GRHL2: variants seen among roughly 807,000 people sequenced by gnomAD.
GRHL2 encodes the protein grainyhead like transcription factor 2.
Under a neutral mutation model 83.8 loss-of-function variants are expected in GRHL2, and 21 were observed. The observed-to-expected ratio is 0.25, with a 90% CI of 0.18 to 0.36. GRHL2 has a LOEUF of 0.36. Ranked by LOEUF, GRHL2 falls within the 10% of genes least tolerant of loss-of-function variation. GRHL2 has a pLI of 1.00. For missense variants in GRHL2, 623 were observed against 781.8 expected (o/e 0.80, Z 2.42); for synonymous variants, 280 against 278.9 (o/e 1.00, Z -0.04).
At chr8:101,565,029 C>T (rs887551586) in intron 4 of GRHL2, among the ~76,000 whole-genome samples, 1 of 152,264 alleles carries the variant, frequency 6.6e-6, no homozygotes, top group East Asian at 1.9e-4. Context: ...GGAAATAATG[C>T]TAGATGCCAT....
At chr8:101,604,053 A>G (rs1812575649) in intron 8 of GRHL2, among the ~76,000 whole-genome samples, 1 of 148,050 alleles carries the variant, frequency 6.8e-6, no homozygotes, top group Non-Finnish European at 1.5e-5. Flanking sequence ...AACAATGGGA[A>G]GTGTGTTTGT....
At chr8:101,638,630 G>T (rs1813337805) in intron 12 of GRHL2, among the ~76,000 whole-genome samples, 1 of 152,260 alleles carries the variant, frequency 6.6e-6, no homozygotes, top group Non-Finnish European at 1.5e-5. Context: ...AATCTCAAAG[G>T]AGTCAAATGA....
chr8:101,586,170 C>T (rs1812165615), intron 7 of GRHL2, among the ~76,000 whole-genome samples: 3 of 149,736 alleles, frequency 2.0e-5, no homozygotes, highest in Admixed American at 1.3e-4. Flanking sequence ...AGCTCCGCTT[C>T]CCGGGTTCAC....
At chr8:101,646,456 G>A (rs1813513027) in intron 13 of GRHL2, among the ~76,000 whole-genome samples, 1 of 152,190 alleles carries the variant, frequency 6.6e-6, no homozygotes, top group Non-Finnish European at 1.5e-5. Flanking sequence ...ATAGACACAT[G>A]AGGGCGCTGT....
chr8:101,619,694 C>T lies in GRHL2; in HGVS notation c.1254C>T (p.Asp418=), dbSNP rs1296929806. Reference sequence around the variant, plus strand: ...ATTGCCAGATCAAGGTCTTCTGTGACAAAGTGAGTAAAGATGACAGTTTTT... The same window carrying T: ...ATTGCCAGATCAAGGTCTTCTGTGATAAAGTGAGTAAAGATGACAGTTTTT... The part of the protein sequence containing the change: ...RAYCQIKVFC[D]KGAERKIRDE... Residue 418 remains aspartate (D), a synonymous_variant, in exon 9 of 16, where the codon GAC becomes GAT. Coordinates refer to ENST00000646743, the MANE Select transcript of GRHL2 (RefSeq NM_024915.4). 2 of 1,610,250 alleles carry T rather than the reference C, an allele frequency of 1.2e-6. No individual in the cohort carries two copies. The highest frequency in any genetic ancestry group is 1.7e-6 in the Non-Finnish European group (2 of 1,176,846).
At chr8:101,629,557 T>C (rs1813144856) in intron 9 of GRHL2, among the ~76,000 whole-genome samples, 1 of 152,118 alleles carries the variant, frequency 6.6e-6, no homozygotes, top group South Asian at 2.1e-4. Flanking sequence ...TCCTCATAAA[T>C]AGTACAAAAT....
At chr8:101,600,779 TGAGCAACAGTGTGACCAGGGA>T (rs751347844) in intron 8 of GRHL2, among the ~76,000 whole-genome samples, 4 of 152,124 alleles carry the variant, frequency 2.6e-5, no homozygotes, top group Non-Finnish European at 5.9e-5. Flanking sequence ...AACCAGTAAC[TGAGCAACAGTGTGACCAGGGA>T]GAGGCAGGGC....
intron 2 of GRHL2, among the ~76,000 whole-genome samples, chr8:101,550,997 C>G (rs1251669323): frequency 6.6e-6 from 1 of 152,150 alleles, no homozygotes; most frequent in Non-Finnish European, 1.5e-5. Flanking sequence ...TTTTGTTTTT[C>G]CATTCATCTG....
At chr8:101,535,037 G>A (rs865968949) in intron 1 of GRHL2, among the ~76,000 whole-genome samples, 2 of 152,128 alleles carry the variant, frequency 1.3e-5, no homozygotes, top group African/African-American at 4.8e-5. Context: ...TCACAAATGC[G>A]AAAGCTAAGA....
chr8:101,536,038 CAG>C (rs1434411983), intron 1 of GRHL2, among the ~76,000 whole-genome samples: 1 of 152,080 alleles, frequency 6.6e-6, no homozygotes, highest in Non-Finnish European at 1.5e-5. Context: ...ACAATTTAGA[CAG>C]AGAAGCAGGA....
chr8:101,612,857 G>A (rs1452720349), intron 8 of GRHL2, among the ~76,000 whole-genome samples: 1 of 150,942 alleles, frequency 6.6e-6, no homozygotes, highest in Non-Finnish European at 1.5e-5. Context: ...CCTCTTAAGG[G>A]CTTTTCAGAA....
chr8:101,562,145 A>C, intron 4 of GRHL2: 1 of 641,402 alleles, frequency 1.6e-6, no homozygotes, highest in East Asian at 3.2e-5. Flanking sequence ...GTAGCTCTTT[A>C]TTTTTCTTCG....
At chr8:101,635,056 C>G (rs1813259409) in intron 11 of GRHL2, among the ~76,000 whole-genome samples, 1 of 152,090 alleles carries the variant, frequency 6.6e-6, no homozygotes, top group African/African-American at 2.4e-5. Context: ...TAGCCTTCCC[C>G]AAAGTACTTG....
At chr8:101,639,690 T>C (rs984809978) in intron 12 of GRHL2, among the ~76,000 whole-genome samples, 2 of 152,324 alleles carry the variant, frequency 1.3e-5, no homozygotes, top group African/African-American at 2.4e-5. Context: ...GGTTCATTCC[T>C]TGGAGTGTAG....
At chr8:101,516,654 G>A (rs1338079183) in intron 1 of GRHL2, among the ~76,000 whole-genome samples, 2 of 152,092 alleles carry the variant, frequency 1.3e-5, no homozygotes. Context: ...CAATCCTCCT[G>A]TCTTGGCCTC....
rs73279190 is a variant in GRHL2, at chr8:101,565,790, G to T, written c.679-4549G>T. ...CTCCCATGTGCTCAGGAATTGAGAA[G>T]AACTATTTATAAGTGAACATCGGAC... On this transcript the variant is annotated intron_variant, in intron 4 of 15. Coordinates refer to ENST00000646743, the MANE Select transcript of GRHL2 (RefSeq NM_024915.4). Among the ~76,000 whole-genome samples, 920 of 152,290 alleles carry T rather than the reference G, an allele frequency of 6.0e-3. 8 individuals are homozygous for T. The highest frequency in any genetic ancestry group is 0.021 in the African/African-American group (868 of 41,554).
intron 1 of GRHL2, among the ~76,000 whole-genome samples, chr8:101,521,268 G>A (rs1447819361): frequency 2.6e-5 from 4 of 152,200 alleles, no homozygotes; most frequent in South Asian, 2.1e-4. Flanking sequence ...CATCAGAGGA[G>A]TCCCTGTTCC....
intron 4 of GRHL2, 87 bp downstream of exon 4, chr8:101,558,899 T>C (rs1811545481): frequency 2.2e-6 from 3 of 1,387,630 alleles, no homozygotes; most frequent in African/African-American, 2.9e-5. Flanking sequence ...GTGTGATAAA[T>C]GAATTAAACA....
downstream of GRHL2, among the ~76,000 whole-genome samples, chr8:101,672,731 A>G (rs1287444531): frequency 1.3e-5 from 2 of 151,672 alleles, no homozygotes; most frequent in Non-Finnish European, 2.9e-5. Context: ...CGAGAAGAGC[A>G]ACTCCAAGAC....
Sources: gnomAD v4.1 joint callset for allele counts (sites outside exome capture counted in the v4.1 genomes callset) on GRCh38, gnomAD v4.1.1 for gene constraint, MANE v1.5 for transcripts, NCBI Gene and HGNC (gene_info 2026-07-23, HGNC 2026-07-21) for gene names.